RANBP9: variants seen among roughly 807,000 people sequenced by gnomAD.
The protein encoded by RANBP9 is RAN binding protein 9.
RANBP9 carries 15 observed loss-of-function variants against 84.3 expected under a neutral mutation model. That is an observed-to-expected ratio of 0.18 (90% CI 0.12 to 0.27). The LOEUF (loss-of-function observed/expected upper bound fraction) is 0.27, where lower values mean the gene tolerates loss of function less well. Among genes scored for constraint, RANBP9 ranks in the 10% least tolerant of loss-of-function variants. The pLI, the probability that RANBP9 is intolerant of heterozygous loss-of-function variation, is 1.00. For missense variants in RANBP9, 809 were observed against 912.8 expected (o/e 0.89, Z 1.46); for synonymous variants, 392 against 349.6 (o/e 1.12, Z -1.35).
intron 7 of RANBP9, 51 bp from the exon 8 acceptor site, chr6:13,641,358 CAT>C: frequency 2.6e-6 from 3 of 1,152,610 alleles, no homozygotes; most frequent in Middle Eastern, 2.0e-4. Context: ...GTAGATAAAA[CAT>C]AAACTTAGTG....
intron 9 of RANBP9, 121 bp from the exon 10 acceptor site, chr6:13,638,076 A>C: frequency 3.6e-6 from 3 of 827,904 alleles, no homozygotes; most frequent in Non-Finnish European, 5.2e-6. Context: ...TCAATGGATG[A>C]TGTAAACAGG....
At chr6:13,671,428 C>G (rs1010827707) in intron 2 of RANBP9, among the ~76,000 whole-genome samples, 7 of 152,042 alleles carry the variant, frequency 4.6e-5, no homozygotes, top group African/African-American at 1.7e-4. Context: ...TATATTAATA[C>G]AATGGAATAT....
intron 2 of RANBP9, among the ~76,000 whole-genome samples, chr6:13,665,032 A>T (rs1301978825): frequency 1.3e-5 from 2 of 152,182 alleles, no homozygotes; most frequent in East Asian, 3.8e-4. Context: ...CTTTTGAACA[A>T]ATAGTAAAAA....
chr6:13,642,668 A>T (rs993636012), intron 6 of RANBP9, 77 bp from the exon 7 acceptor site: 5 of 1,002,736 alleles, frequency 5.0e-6, no homozygotes, highest in South Asian at 3.3e-5. Flanking sequence ...TATAAACAAA[A>T]TCTATTCTGG....
chr6:13,671,654 G>GAGCCCTGTTTAGTAGAGAGGAGAA (rs1765781260), intron 2 of RANBP9, among the ~76,000 whole-genome samples: 1 of 152,010 alleles, frequency 6.6e-6, no homozygotes, highest in Non-Finnish European at 1.5e-5. Context: ...AGTGTTTTGG[G>GAGCCCTGTTTAGTAGAGAGGAGAA]GTTCCTTTTT....
intron 1 of RANBP9, among the ~76,000 whole-genome samples, chr6:13,708,560 G>C (rs757924438): frequency 4.6e-5 from 7 of 152,144 alleles, no homozygotes; most frequent in Non-Finnish European, 7.3e-5. Context: ...TCATTCTTTT[G>C]AAATTCTGTA....
At chr6:13,678,264 A>G (rs572063580) in intron 2 of RANBP9, among the ~76,000 whole-genome samples, 1 of 152,386 alleles carries the variant, frequency 6.6e-6, no homozygotes, top group East Asian at 1.9e-4. Flanking sequence ...AACCAAAAGG[A>G]AAGCAATTGT....
chr6:13,657,064 A>G (rs765092595), intron 4 of RANBP9, 45 bp downstream of exon 4: 2 of 1,485,740 alleles, frequency 1.3e-6, no homozygotes, highest in Non-Finnish European at 9.2e-7. Flanking sequence ...AAGTATAATA[A>G]TCTCCATATT....
intron 2 of RANBP9, among the ~76,000 whole-genome samples, chr6:13,696,528 C>T (rs1451681620): frequency 2.6e-5 from 4 of 152,174 alleles, no homozygotes; most frequent in Non-Finnish European, 5.9e-5. Flanking sequence ...GAGTCACCAT[C>T]CCTTCATTCC....
At chr6:13,692,947 G>C (rs1766360592) in intron 2 of RANBP9, among the ~76,000 whole-genome samples, 1 of 152,218 alleles carries the variant, frequency 6.6e-6, no homozygotes, top group Non-Finnish European at 1.5e-5. Flanking sequence ...TTAAAAGCCA[G>C]CTATAAGTTA....
chr6:13,692,527 CAAAAAAAAA>C (rs61237158), intron 2 of RANBP9, among the ~76,000 whole-genome samples: 395 of 28,714 alleles, frequency 0.014, 2 homozygotes, highest in African/African-American at 0.048. Context: ...AACTCCGTCT[CAAAAAAAAA>C]AAAAAAAAAA....
chr6:13,623,343 C>T (rs1162052614), intron 13 of RANBP9, among the ~76,000 whole-genome samples: 13 of 152,058 alleles, frequency 8.5e-5, no homozygotes, highest in Non-Finnish European at 1.5e-5. Context: ...TGACACATGG[C>T]TAGGAAGGCT....
At chr6:13,648,372 T>A (rs1386163336) in intron 5 of RANBP9, among the ~76,000 whole-genome samples, 1 of 152,066 alleles carries the variant, frequency 6.6e-6, no homozygotes, top group Non-Finnish European at 1.5e-5. Context: ...AGTCTTGATC[T>A]CTTGATCCGC....
Position 13,710,987 on chromosome 6 carries a change from G to A in RANBP9, c.519C>T (p.Asp173=), listed in dbSNP as rs368357106. The change falls in exon 1 of 14, where the codon GAC becomes GAT. Residue 173 remains aspartate (D), a synonymous_variant. Coordinates refer to ENST00000011619, the MANE Select transcript of RANBP9 (RefSeq NM_005493.3). ...TPLPRSWSPK[D]KFSYIGLSQN... ...GAGAGAGGCCGATGTAGCTGAACTTGTCCTTCGGGCTCCAGGACCGAGGCA... is the reference window on the plus strand; with the variant it reads ...GAGAGAGGCCGATGTAGCTGAACTTATCCTTCGGGCTCCAGGACCGAGGCA... 7.5e-6 allele frequency: 12 copies of A among 1,610,086 alleles called. No individual in the cohort carries two copies. Among genetic ancestry groups the A allele is most frequent in the Middle Eastern group, 3.3e-4 (2 of 6,074 alleles).
At position 13,632,414 on chromosome 6, in the gene RANBP9, T is replaced by C; in HGVS notation, c.1903A>G (p.Arg635Gly). ...RELQAMSEQL[R>G]RDCGKNTANK... ...GCAGTGTTCTTGCCACAGTCTCTCC[T>C]TAGCTGTTCACTCATTGCTTGCAGC... Residue 635 changes from arginine to glycine, a missense_variant, in exon 12 of 14, where the codon AGG becomes GGG. Arg to Gly is a moderately radical substitution (Grantham distance 125). Transcript: ENST00000011619. The C allele has an allele frequency of 6.2e-7, 1 of 1,614,078 alleles. No homozygotes were observed. Among genetic ancestry groups the C allele is most frequent in the South Asian group, 1.1e-5 (1 of 91,078 alleles).
intron 1 of RANBP9, among the ~76,000 whole-genome samples, chr6:13,698,482 G>C (rs570740051): frequency 6.6e-6 from 1 of 152,076 alleles, no homozygotes; most frequent in Non-Finnish European, 1.5e-5. Context: ...CTGAGAAAAG[G>C]CCATGGAAAC....
At chr6:13,622,609 A>C (rs1469711698) in intron 13 of RANBP9, 117 bp from the exon 14 acceptor site, 1 of 1,091,280 alleles carries the variant, frequency 9.2e-7, no homozygotes, top group African/African-American at 1.6e-5. Context: ...CCACTCTGAA[A>C]TATCAGCAAA....
intron 11 of RANBP9, 48 bp from the exon 12 acceptor site, chr6:13,632,569 T>C (rs1057223134): frequency 6.6e-7 from 1 of 1,522,806 alleles, no homozygotes; most frequent in African/African-American, 1.4e-5. Context: ...GAATGGAGTA[T>C]AATGAGGACA....
At chr6:13,629,992 A>G (rs1288659765) in intron 12 of RANBP9, among the ~76,000 whole-genome samples, 2 of 151,908 alleles carry the variant, frequency 1.3e-5, no homozygotes, top group Non-Finnish European at 2.9e-5. Flanking sequence ...TGCAAACCTA[A>G]AAACGATGCT....
Sources: gnomAD v4.1 joint callset for allele counts (sites outside exome capture counted in the v4.1 genomes callset) on GRCh38, gnomAD v4.1.1 for gene constraint, MANE v1.5 for transcripts, NCBI Gene and HGNC (gene_info 2026-07-23, HGNC 2026-07-21) for gene names.